Variants in SH3PXD2A observed in about 807,000 individuals in gnomAD.
The protein encoded by SH3PXD2A is SH3 and PX domains 2A.
Under a neutral mutation model 115.2 loss-of-function variants are expected in SH3PXD2A, and 32 were observed. The observed-to-expected ratio is 0.28, with a 90% CI of 0.21 to 0.37. SH3PXD2A has a LOEUF of 0.37. Ranked by LOEUF, SH3PXD2A falls within the 10% of genes least tolerant of loss-of-function variation. The pLI is 1.00. For missense variants in SH3PXD2A, 1,328 were observed against 1,498.7 expected, an observed-to-expected ratio of 0.89 and a Z score of 1.88; for synonymous variants, 610 against 629.1, an observed-to-expected ratio of 0.97 and a Z score of 0.45.
chr10:103,679,716 C>T (rs1401555850), intron 6 of SH3PXD2A, among the ~76,000 whole-genome samples: 2 of 152,236 alleles, frequency 1.3e-5, no homozygotes, highest in Non-Finnish European at 2.9e-5. Flanking sequence ...TTTGCAAGGT[C>T]CCCCTGGGGG....
At chr10:103,652,539 C>T (rs1306422610) in intron 8 of SH3PXD2A, among the ~76,000 whole-genome samples, 1 of 152,192 alleles carries the variant, frequency 6.6e-6, no homozygotes, top group Non-Finnish European at 1.5e-5. Flanking sequence ...TATCACATGG[C>T]CACAGGATAA....
rs1314802155 is a variant in SH3PXD2A at position 103,599,266 on chromosome 10, C to A, written c.*2550G>T. ...GCACTGGGGGTCAAGGAGAGGGGGT[C>A]CTTGGGGGGGGCTGGGAGAATGTGG... On this transcript the variant is annotated 3_prime_UTR_variant, in exon 15 of 15. Transcript: ENST00000369774. The A allele has an allele frequency of 2.2e-5, 2 of 92,390 alleles. No individual in the cohort carries two copies. Among genetic ancestry groups the A allele is most frequent in the Non-Finnish European group, 2.1e-5 (1 of 47,576 alleles). 5.7% of individuals were successfully genotyped at this position (92,390 alleles called of 1,614,324 possible).
intron 1 of SH3PXD2A, among the ~76,000 whole-genome samples, chr10:103,822,100 C>T (rs1005609850): frequency 1.3e-5 from 2 of 151,866 alleles, no homozygotes; most frequent in African/African-American, 2.4e-5. Flanking sequence ...GACAGGGTTT[C>T]ACCAGGTCTC....
intron 3 of SH3PXD2A, 52 bp from the exon 4 acceptor site, chr10:103,735,860 G>A (rs756787999): frequency 1.1e-5 from 15 of 1,393,560 alleles, no homozygotes; most frequent in Non-Finnish European, 1.5e-5. Context: ...CTGCTACAGA[G>A]ACCTTCTCAT....
intron 6 of SH3PXD2A, 146 bp downstream of exon 6, chr10:103,692,882 T>A: frequency 1.5e-6 from 1 of 649,362 alleles, no homozygotes; most frequent in South Asian, 1.8e-5. Flanking sequence ...GTGAAGCGAG[T>A]ACCCCTGGCC....
chr10:103,610,803 A>G (rs1458302873), intron 13 of SH3PXD2A, among the ~76,000 whole-genome samples: 4 of 152,186 alleles, frequency 2.6e-5, no homozygotes, highest in Non-Finnish European at 5.9e-5. Flanking sequence ...GTCCCGTCTG[A>G]TAAATAAGGG....
At chr10:103,818,019 A>T (rs1380012540) in intron 1 of SH3PXD2A, among the ~76,000 whole-genome samples, 1 of 152,232 alleles carries the variant, frequency 6.6e-6, no homozygotes. Flanking sequence ...CTATCTGTGA[A>T]TGAACTAAAA....
At chr10:103,780,336 CA>C (rs1490326906) in intron 2 of SH3PXD2A, among the ~76,000 whole-genome samples, 1 of 152,206 alleles carries the variant, frequency 6.6e-6, no homozygotes, top group Non-Finnish European at 1.5e-5. Context: ...TTCTCTATTC[CA>C]AATGGGTCAA....
intron 1 of SH3PXD2A, among the ~76,000 whole-genome samples, chr10:103,814,122 C>T (rs2039299888): frequency 6.6e-6 from 1 of 151,826 alleles, no homozygotes; most frequent in Admixed American, 6.6e-5. Context: ...GGAGTTTGTA[C>T]TGGGTGCTTT....
intron 1 of SH3PXD2A, among the ~76,000 whole-genome samples, chr10:103,844,724 C>A (rs1345206194): frequency 1.3e-5 from 2 of 152,172 alleles, no homozygotes; most frequent in Non-Finnish European, 2.9e-5. Flanking sequence ...ACAATGCTAC[C>A]TGCACTCTCC....
chr10:103,765,955 C>A (rs769496143), intron 3 of SH3PXD2A, among the ~76,000 whole-genome samples: 48 of 152,212 alleles, frequency 3.2e-4, no homozygotes, highest in Non-Finnish European at 5.4e-4. Context: ...TCCAGTCTTG[C>A]CCAAACTGTG....
chr10:103,817,832 A>G (rs1278858964), intron 1 of SH3PXD2A, among the ~76,000 whole-genome samples: 6 of 152,348 alleles, frequency 3.9e-5, no homozygotes, highest in African/African-American at 1.4e-4. Context: ...CACACATTAT[A>G]TGATTCCATT....
chr10:103,628,330 C>T (rs1172620905), intron 8 of SH3PXD2A, among the ~76,000 whole-genome samples: 3 of 152,188 alleles, frequency 2.0e-5, no homozygotes, highest in East Asian at 1.9e-4. Context: ...GCAGTCTAGT[C>T]CTGAATGCCC....
intron 1 of SH3PXD2A, among the ~76,000 whole-genome samples, chr10:103,854,490 G>A (rs1589486795): frequency 1.3e-5 from 2 of 152,156 alleles, no homozygotes; most frequent in South Asian, 2.1e-4. Flanking sequence ...GGAGGAAGGG[G>A]GAGGGGCGGT....
chr10:103,615,065 G>A (rs1354319106), intron 11 of SH3PXD2A, among the ~76,000 whole-genome samples: 1 of 152,186 alleles, frequency 6.6e-6, no homozygotes, highest in African/African-American at 2.4e-5. Context: ...TGGAAGCAAC[G>A]AGTAAAAATA....
At chr10:103,607,386 C>A (rs1484958795) in intron 13 of SH3PXD2A, among the ~76,000 whole-genome samples, 6 of 152,092 alleles carry the variant, frequency 3.9e-5, no homozygotes, top group Non-Finnish European at 7.4e-5. Context: ...CAGCAGCCAC[C>A]CCGTCCGGGA....
intron 5 of SH3PXD2A, among the ~76,000 whole-genome samples, chr10:103,693,842 T>A (rs1265731223): frequency 6.6e-6 from 1 of 152,054 alleles, no homozygotes; most frequent in African/African-American, 2.4e-5. Context: ...GGAACGGAAG[T>A]GGAGCTTCTG....
At chr10:103,725,941 T>C (rs1225745395) in intron 4 of SH3PXD2A, among the ~76,000 whole-genome samples, 1 of 152,216 alleles carries the variant, frequency 6.6e-6, no homozygotes, top group East Asian at 1.9e-4. Context: ...CGCAGGACCC[T>C]GACCTGGCCC....
At chr10:103,831,327 T>C (rs7899115) in intron 1 of SH3PXD2A, among the ~76,000 whole-genome samples, 10,579 of 152,270 alleles carry the variant, frequency 0.069, 442 homozygotes, top group African/African-American at 0.12. Flanking sequence ...ATTTGTACTG[T>C]TCCAAGTGGT....
Sources: gnomAD v4.1 joint callset for allele counts (sites outside exome capture counted in the v4.1 genomes callset) on GRCh38, gnomAD v4.1.1 for gene constraint, MANE v1.5 for transcripts, NCBI Gene and HGNC (gene_info 2026-07-23, HGNC 2026-07-21) for gene names.